Variants in LRFN5 observed in about 807,000 individuals in gnomAD.
LRFN5 encodes leucine-rich repeat and fibronectin type-III domain-containing protein 5.
A neutral mutation model predicts 45.6 loss-of-function variants in LRFN5; 24 were observed. That is an observed-to-expected ratio of 0.53 (90% CI 0.38 to 0.74). The LOEUF (loss-of-function observed/expected upper bound fraction) is 0.74. LRFN5 is among the 30% of genes least tolerant of loss of function. LRFN5 has a pLI of 0.00. For synonymous variants in LRFN5, 340 were observed against 313.8 expected (o/e 1.08, Z -0.88); for missense variants, 776 against 861.5 (o/e 0.90, Z 1.24).
At chr14:41,733,513 G>A (rs1884272231) in intron 1 of LRFN5, 1 of 152,104 alleles carries the variant, frequency 6.6e-6, no homozygotes, top group Non-Finnish European at 1.5e-5. Flanking sequence ...AAAAGCTGAA[G>A]TAGTTATTAC....
chr14:41,828,137 A>G (rs1188689060), intron 2 of LRFN5, among the ~76,000 whole-genome samples: 1 of 152,046 alleles, frequency 6.6e-6, no homozygotes. Context: ...CATAAACTTT[A>G]TGTCAGTAGA....
At chr14:41,792,571 T>C (rs2138947591) in intron 2 of LRFN5, among the ~76,000 whole-genome samples, 1 of 148,014 alleles carries the variant, frequency 6.8e-6, no homozygotes, top group East Asian at 2.0e-4. Flanking sequence ...TATTCCTTGC[T>C]AGGAAAACAA....
chr14:41,787,244 A>G (rs185663420), intron 2 of LRFN5, among the ~76,000 whole-genome samples: 37 of 152,208 alleles, frequency 2.4e-4, no homozygotes, highest in South Asian at 4.1e-4. Context: ...GGTGACCCCA[A>G]TGCAGATCTT....
chr14:41,738,901 A>G (rs1027882393), intron 1 of LRFN5, among the ~76,000 whole-genome samples: 1 of 152,220 alleles, frequency 6.6e-6, no homozygotes, highest in Admixed American at 6.6e-5. Context: ...TTTACAACAA[A>G]TGAATCTAAC....
At chr14:41,662,654 A>G (rs1880710169) in intron 1 of LRFN5, among the ~76,000 whole-genome samples, 2 of 151,962 alleles carry the variant, frequency 1.3e-5, no homozygotes, top group Non-Finnish European at 2.9e-5. Context: ...AATCAGGAAA[A>G]TCAGCTGTAC....
At chr14:41,675,997 A>G (rs989714497) in intron 1 of LRFN5, among the ~76,000 whole-genome samples, 1 of 152,144 alleles carries the variant, frequency 6.6e-6, no homozygotes, top group African/African-American at 2.4e-5. Context: ...CAGCAGCTCC[A>G]TGATACAGAT....
At chr14:41,756,066 T>C (rs2138856017) in intron 1 of LRFN5, among the ~76,000 whole-genome samples, 2 of 152,340 alleles carry the variant, frequency 1.3e-5, no homozygotes, top group East Asian at 1.9e-4. Flanking sequence ...TTGAAAATTC[T>C]TTTGTTTAAA....
chr14:41,609,538 T>C (rs1462268245), intron 1 of LRFN5, among the ~76,000 whole-genome samples: 1 of 152,138 alleles, frequency 6.6e-6, no homozygotes, highest in Non-Finnish European at 1.5e-5. Context: ...TTTTTTCCCC[T>C]GAATTCCCTT....
intron 2 of LRFN5, among the ~76,000 whole-genome samples, chr14:41,880,940 T>C (rs761284407): frequency 6.6e-6 from 1 of 152,222 alleles, no homozygotes. Context: ...CAACTTTTTA[T>C]GTTCAGTGTT....
At chr14:41,699,540 T>C (rs908937349) in intron 1 of LRFN5, 3 of 152,088 alleles carry the variant, frequency 2.0e-5, no homozygotes, top group Non-Finnish European at 4.4e-5. Flanking sequence ...TTGATTCCTC[T>C]CTAAAAAGAT....
chr14:41,692,117 G>C (rs1014008945), intron 1 of LRFN5, among the ~76,000 whole-genome samples: 1 of 152,040 alleles, frequency 6.6e-6, no homozygotes, highest in African/African-American at 2.4e-5. Flanking sequence ...GTTGAATATA[G>C]GGTAGATGTA....
At chr14:41,842,598 A>G (rs1252240739) in intron 2 of LRFN5, among the ~76,000 whole-genome samples, 1 of 152,144 alleles carries the variant, frequency 6.6e-6, no homozygotes, top group Non-Finnish European at 1.5e-5. Context: ...AAATACACTG[A>G]TACATTTATT....
intron 1 of LRFN5, among the ~76,000 whole-genome samples, chr14:41,724,089 T>TA (rs1285568570): frequency 1.3e-5 from 2 of 152,162 alleles, no homozygotes; most frequent in East Asian, 3.9e-4. Flanking sequence ...CTCTCTCACG[T>TA]ACTGGGGCTA....
At chr14:41,792,061 A>T (rs1594713058) in intron 2 of LRFN5, among the ~76,000 whole-genome samples, 1 of 152,080 alleles carries the variant, frequency 6.6e-6, no homozygotes, top group Non-Finnish European at 1.5e-5. Flanking sequence ...AGAAATAAAG[A>T]GAAAGAATAC....
intron 1 of LRFN5, among the ~76,000 whole-genome samples, chr14:41,670,256 GATAT>G (rs1165968461): frequency 0.067 from 3,019 of 45,380 alleles, 120 homozygotes; most frequent in Non-Finnish European, 0.082. Context: ...CATACACACA[GATAT>G]ATATATATAT....
chr14:41,721,932 A>G (rs1352198282), intron 1 of LRFN5, among the ~76,000 whole-genome samples: 1 of 151,740 alleles, frequency 6.6e-6, no homozygotes, highest in East Asian at 1.9e-4. Flanking sequence ...GATTAGGGAA[A>G]TTTTCTTGAA....
At chr14:41,696,132 A>AAAT (rs1882599626) in intron 1 of LRFN5, among the ~76,000 whole-genome samples, 1 of 151,962 alleles carries the variant, frequency 6.6e-6, no homozygotes, top group African/African-American at 2.4e-5. Flanking sequence ...GATGTGAAAG[A>AAAT]AATAGCAGGA....
intron 1 of LRFN5, among the ~76,000 whole-genome samples, chr14:41,655,667 A>T (rs1056486381): frequency 1.3e-5 from 2 of 152,040 alleles, no homozygotes; most frequent in Non-Finnish European, 2.9e-5. Context: ...AGGAAAAAAC[A>T]GAGGAGTTTG....
intron 1 of LRFN5, among the ~76,000 whole-genome samples, chr14:41,741,827 C>CAA (rs1030415463): frequency 4.7e-5 from 7 of 148,244 alleles, no homozygotes; most frequent in Admixed American, 6.9e-5. Flanking sequence ...AAAAAAAAAA[C>CAA]CAAAAAACTA....
Sources: gnomAD v4.1 joint callset for allele counts (sites outside exome capture counted in the v4.1 genomes callset) on GRCh38, gnomAD v4.1.1 for gene constraint, MANE v1.5 for transcripts, NCBI Gene and HGNC (gene_info 2026-07-23, HGNC 2026-07-21) for gene names.